Variants in GALNT13 observed in about 807,000 individuals in gnomAD.
GALNT13 encodes the protein UDP-GalNAc:polypeptide N-acetylgalactosaminyltransferase 13.
GALNT13 carries 28 observed loss-of-function variants against 64.2 expected under a neutral mutation model. The observed-to-expected ratio is 0.44, with a 90% CI of 0.32 to 0.60. The LOEUF is 0.60. GALNT13 is among the 20% of genes least tolerant of loss of function. The pLI is 0.05. For synonymous variants in GALNT13, 214 were observed against 224.6 expected (o/e 0.95, Z 0.42); for missense variants, 577 against 669.8 (o/e 0.86, Z 1.53).
chr2:153,917,719 G>T (rs564698777), intron 2 of GALNT13, among the ~76,000 whole-genome samples: 1 of 152,114 alleles, frequency 6.6e-6, no homozygotes, highest in Non-Finnish European at 1.5e-5. Context: ...CACACAGGCT[G>T]GTGAGTATTC....
intron 12 of GALNT13, among the ~76,000 whole-genome samples, chr2:154,448,872 T>G (rs1268083320): frequency 1.3e-5 from 2 of 151,976 alleles, no homozygotes; most frequent in Non-Finnish European, 2.9e-5. Context: ...ATCATACTTT[T>G]TTTAAAAAGG....
At chr2:153,086,302 G>T in the GALNT13 span, among the ~76,000 whole-genome samples, 1 of 152,158 alleles carries the variant, frequency 6.6e-6, no homozygotes, top group Non-Finnish European at 1.5e-5. Flanking sequence ...AGGCATGATT[G>T]GTTTTGAAAT....
chr2:154,105,867 A>G (rs1042837558), intron 3 of GALNT13, among the ~76,000 whole-genome samples: 2 of 152,210 alleles, frequency 1.3e-5, no homozygotes, highest in African/African-American at 4.8e-5. Flanking sequence ...AAATTAAAAT[A>G]GTTGTCTCTG....
chr2:153,284,423 G>A, the GALNT13 span, among the ~76,000 whole-genome samples: 4 of 152,172 alleles, frequency 2.6e-5, no homozygotes, highest in Non-Finnish European at 4.4e-5. Context: ...TAAAATGCCT[G>A]CATGACCATG....
chr2:153,724,941 C>G, the GALNT13 span, among the ~76,000 whole-genome samples: 2 of 151,298 alleles, frequency 1.3e-5, no homozygotes, highest in African/African-American at 4.9e-5. Context: ...TTTGACCCAG[C>G]CATCCCATTA....
intron 3 of GALNT13, among the ~76,000 whole-genome samples, chr2:153,960,241 G>A (rs1194201428): frequency 1.3e-5 from 2 of 152,324 alleles, no homozygotes; most frequent in African/African-American, 4.8e-5. Flanking sequence ...CTGCTTCACT[G>A]ATTGCTGACT....
At chr2:154,170,465 A>G (rs1313779545) in intron 4 of GALNT13, among the ~76,000 whole-genome samples, 2 of 152,108 alleles carry the variant, frequency 1.3e-5, no homozygotes, top group Non-Finnish European at 2.9e-5. Context: ...GACCATATAT[A>G]TGATTGACTC....
chr2:154,371,014 A>G (rs558809402), intron 9 of GALNT13, among the ~76,000 whole-genome samples: 7 of 152,186 alleles, frequency 4.6e-5, no homozygotes, highest in Non-Finnish European at 8.8e-5. Flanking sequence ...AGAAAAGATA[A>G]GCTAGCAAGA....
the GALNT13 span, among the ~76,000 whole-genome samples, chr2:153,439,937 G>A: frequency 1.3e-5 from 2 of 152,136 alleles, no homozygotes; most frequent in Non-Finnish European, 2.9e-5. Flanking sequence ...GACTGGAGCT[G>A]TTCCTATTCG....
At chr2:154,342,601 A>T (rs1695833912) in intron 9 of GALNT13, among the ~76,000 whole-genome samples, 1 of 152,078 alleles carries the variant, frequency 6.6e-6, no homozygotes, top group Non-Finnish European at 1.5e-5. Context: ...TGTTCATAAA[A>T]AAAACTTTAA....
intron 9 of GALNT13, among the ~76,000 whole-genome samples, chr2:154,348,635 T>C (rs1696207521): frequency 6.6e-6 from 1 of 152,016 alleles, no homozygotes; most frequent in South Asian, 2.1e-4. Flanking sequence ...CTGGCCCATC[T>C]CTCATGTGCT....
the GALNT13 span, among the ~76,000 whole-genome samples, chr2:153,318,063 A>C: frequency 6.6e-6 from 1 of 152,178 alleles, no homozygotes; most frequent in Non-Finnish European, 1.5e-5. Flanking sequence ...TAAGACTTCT[A>C]AAAGAAAACA....
the GALNT13 span, chr2:153,478,793 C>A: frequency 1.1e-5 from 5 of 467,678 alleles, no homozygotes; most frequent in African/African-American, 4.1e-5. Flanking sequence ...TGGTGGTGCT[C>A]GTTCCCGGCG....
At chr2:153,809,942 T>C in the GALNT13 span, among the ~76,000 whole-genome samples, 1 of 152,062 alleles carries the variant, frequency 6.6e-6, no homozygotes. Flanking sequence ...AAATATGCTA[T>C]AACATTTCTT....
chr2:153,080,227 C>T, the GALNT13 span, among the ~76,000 whole-genome samples: 1 of 151,950 alleles, frequency 6.6e-6, no homozygotes, highest in Non-Finnish European at 1.5e-5. Context: ...CAGATTTTAT[C>T]TTACCCCTTT....
chr2:153,361,820 A>T, the GALNT13 span, among the ~76,000 whole-genome samples: 1 of 152,166 alleles, frequency 6.6e-6, no homozygotes, highest in South Asian at 2.1e-4. Context: ...ATCCAGGAAA[A>T]CTTCCCCAGC....
At chr2:154,043,411 C>CGTTTT (rs34084904) in intron 3 of GALNT13, among the ~76,000 whole-genome samples, 1 of 73,260 alleles carries the variant, frequency 1.4e-5, no homozygotes, top group African/African-American at 5.4e-5. Context: ...ACTATAAGGA[C>CGTTTT]TTTTATATAT....
chr2:154,035,251 T>C lies in GALNT13; in HGVS notation c.142+90612T>C, dbSNP rs1698591404. Among the ~76,000 whole-genome samples the C allele has an allele frequency of 2.6e-5, 4 of 152,168 alleles. No homozygotes were observed. In the South Asian group the frequency reaches 8.3e-4, roughly 31 times the overall value. On this transcript the variant is annotated intron_variant, in intron 3 of 12. Transcript: ENST00000392825. ...GTGCGTTTGTATGTTTGTGTGATGC[T>C]TTTATTAGTAAGCATTTTACATTAA...
intron 3 of GALNT13, among the ~76,000 whole-genome samples, chr2:153,981,767 A>G (rs1331203232): frequency 6.6e-6 from 1 of 152,108 alleles, no homozygotes; most frequent in Non-Finnish European, 1.5e-5. Flanking sequence ...TCATTGAGCC[A>G]GGTTATCTCC....
Sources: allele counts gnomAD v4.1 joint callset (sites outside exome capture counted in the v4.1 genomes callset), GRCh38; gene constraint gnomAD v4.1.1; transcripts MANE v1.5; gene names NCBI Gene and HGNC (gene_info 2026-07-23, HGNC 2026-07-21).